Variants in ZNF600 observed in about 807,000 individuals in gnomAD.
ZNF600 encodes the protein zinc finger protein KR-ZNF1.
In ZNF600, 4 loss-of-function variants were observed where a neutral mutation model predicts 7.3. That is an observed-to-expected ratio of 0.55 (90% CI 0.27 to 1.25). ZNF600 has a LOEUF of 1.25. Ranked by LOEUF, ZNF600 falls within the 50% of genes most tolerant of loss-of-function variation. ZNF600 has a pLI of 0.12. For synonymous variants in ZNF600, 290 were observed against 308.9 expected, an observed-to-expected ratio of 0.94 and a Z score of 0.64; for missense variants, 911 against 922.1, an observed-to-expected ratio of 0.99 and a Z score of 0.16.
upstream of ZNF600, among the ~76,000 whole-genome samples, chr19:52,789,484 A>G (rs1250741794): frequency 6.6e-6 from 1 of 152,184 alleles, no homozygotes; most frequent in African/African-American, 2.4e-5. Context: ...TTTCTTTTCA[A>G]AGTGTCTCGT....
At chr19:52,805,291 G>C in the ZNF600 span, 1 of 148,238 alleles carries the variant, frequency 6.7e-6, no homozygotes, top group South Asian at 2.1e-4. Context: ...AAAAAGAAAT[G>C]AAAGAAGGCT....
the ZNF600 span, chr19:52,821,686 G>C: frequency 1.3e-5 from 2 of 152,190 alleles, no homozygotes; most frequent in Non-Finnish European, 2.9e-5. Flanking sequence ...AGCCAACGAG[G>C]AGGCGAGCGG....
At chr19:52,831,964 C>T in the ZNF600 span, among the ~76,000 whole-genome samples, 1 of 151,950 alleles carries the variant, frequency 6.6e-6, no homozygotes, top group Non-Finnish European at 1.5e-5. Flanking sequence ...TGATAGTTGA[C>T]AACAATGAAA....
chr19:52,788,148 A>G (rs1434255026), upstream of ZNF600, among the ~76,000 whole-genome samples: 1 of 152,168 alleles, frequency 6.6e-6, no homozygotes, highest in Non-Finnish European at 1.5e-5. Context: ...CCTCTTCCCA[A>G]GCTCATGTCA....
the ZNF600 span, chr19:52,799,763 A>G: frequency 6.2e-7 from 1 of 1,613,880 alleles, no homozygotes; most frequent in Admixed American, 1.7e-5. Flanking sequence ...TGCCACACTC[A>G]TTACACTTGT....
chr19:52,796,794 G>A, the ZNF600 span, among the ~76,000 whole-genome samples: 5 of 152,102 alleles, frequency 3.3e-5, no homozygotes, highest in Admixed American at 6.6e-5. Flanking sequence ...ATTTCTTCTT[G>A]TTTCAATTTT....
chr19:52,813,366 C>T, the ZNF600 span, among the ~76,000 whole-genome samples: 8 of 148,498 alleles, frequency 5.4e-5, no homozygotes, highest in Admixed American at 4.0e-4. Flanking sequence ...GGGCAGGGGG[C>T]GGCTTATTCA....
At chr19:52,809,891 G>A in the ZNF600 span, 33 of 791,652 alleles carry the variant, frequency 4.2e-5, no homozygotes, top group African/African-American at 3.1e-4. Context: ...GATCCAGGCC[G>A]GGGCGGCGCC....
the ZNF600 span, chr19:52,810,813 A>AT: frequency 6.8e-3 from 2,454 of 360,778 alleles, 198 homozygotes; most frequent in African/African-American, 0.039. Context: ...GATGGAAAAA[A>AT]ATATATATAT....
At chr19:52,770,576 G>GT (rs1429224024) in intron 3 of ZNF600, among the ~76,000 whole-genome samples, 1 of 152,138 alleles carries the variant, frequency 6.6e-6, no homozygotes, top group East Asian at 1.9e-4. Context: ...TTCACTATGC[G>GT]TAAGATATAA....
At chr19:52,825,922 A>G in the ZNF600 span, among the ~76,000 whole-genome samples, 2 of 152,226 alleles carry the variant, frequency 1.3e-5, no homozygotes, top group Admixed American at 1.3e-4. Flanking sequence ...TGGAGGAAAG[A>G]GTCTGCAGTG....
intron 1 of ZNF600, among the ~76,000 whole-genome samples, chr19:52,784,494 C>T (rs1350048735): frequency 2.0e-5 from 3 of 152,096 alleles, no homozygotes; most frequent in South Asian, 2.1e-4. Context: ...ACTTCCTACC[C>T]CACCCTGGGA....
At chr19:52,825,870 C>T in the ZNF600 span, among the ~76,000 whole-genome samples, 1 of 152,120 alleles carries the variant, frequency 6.6e-6, no homozygotes, top group Non-Finnish European at 1.5e-5. Flanking sequence ...CACCTTTAGT[C>T]CCAGGTATTC....
chr19:52,813,177 G>A, the ZNF600 span, among the ~76,000 whole-genome samples: 2 of 143,530 alleles, frequency 1.4e-5, no homozygotes, highest in African/African-American at 5.1e-5. Context: ...TATCTGCTCA[G>A]TGGAGCAATT....
chr19:52,802,324 C>T, the ZNF600 span, among the ~76,000 whole-genome samples: 2 of 152,056 alleles, frequency 1.3e-5, no homozygotes, highest in African/African-American at 2.4e-5. Context: ...GCCAATATTA[C>T]ACCACTGCAC....
chr19:52,820,899 T>C, the ZNF600 span, among the ~76,000 whole-genome samples: 15,209 of 149,188 alleles, frequency 0.1, 1,067 homozygotes, highest in South Asian at 0.2. Flanking sequence ...ACTGCTCTCT[T>C]AGTCCCTCTC....
chr19:52,809,303 G>A, the ZNF600 span, among the ~76,000 whole-genome samples: 6 of 152,296 alleles, frequency 3.9e-5, no homozygotes, highest in East Asian at 1.2e-3. Flanking sequence ...ACAGGGAAAA[G>A]TTGCAAAGGA....
chr19:52,801,583 G>A, the ZNF600 span: 1 of 1,614,052 alleles, frequency 6.2e-7, no homozygotes, highest in Non-Finnish European at 8.5e-7. Context: ...TCAATTTTCT[G>A]GAAGCAAAAA....
At chr19:52,810,446 A>G in the ZNF600 span, 1 of 1,598,526 alleles carries the variant, frequency 6.3e-7, no homozygotes, top group Non-Finnish European at 8.6e-7. Context: ...TTGCATATAT[A>G]GAGTTCTCAA....
Sources: allele counts gnomAD v4.1 joint callset (sites outside exome capture counted in the v4.1 genomes callset), GRCh38; gene constraint gnomAD v4.1.1; transcripts MANE v1.5; gene names NCBI Gene and HGNC (gene_info 2026-07-23, HGNC 2026-07-21).